Variants in KCNIP4 observed in about 807,000 individuals in gnomAD.
KCNIP4 encodes the protein potassium voltage-gated channel interacting protein 4.
Under a neutral mutation model 34.0 loss-of-function variants are expected in KCNIP4, and 12 were observed. The ratio of observed to expected loss-of-function variants is 0.35; its 90% CI spans 0.23 to 0.57. The LOEUF (loss-of-function observed/expected upper bound fraction) is 0.57. Ranked by LOEUF, KCNIP4 falls within the 20% of genes least tolerant of loss-of-function variation. KCNIP4 has a pLI of 0.83. For synonymous variants in KCNIP4, 124 were observed against 102.2 expected (o/e 1.21, Z -1.29); for missense variants, 238 against 311.7 (o/e 0.76, Z 1.78).
At chr4:20,996,203 C>T (rs1056963429) in intron 1 of KCNIP4, among the ~76,000 whole-genome samples, 1 of 152,188 alleles carries the variant, frequency 6.6e-6, no homozygotes, top group African/African-American at 2.4e-5. Context: ...CTAACATAGC[C>T]GTAGGCCCAA....
intron 3 of KCNIP4, among the ~76,000 whole-genome samples, chr4:20,786,514 T>C (rs1712014314): frequency 6.6e-6 from 1 of 152,210 alleles, no homozygotes; most frequent in Non-Finnish European, 1.5e-5. Flanking sequence ...TAGTCTTCTA[T>C]ATTTTTCCAT....
chr4:21,255,035 G>A (rs555195488), intron 1 of KCNIP4, among the ~76,000 whole-genome samples: 63 of 152,154 alleles, frequency 4.1e-4, no homozygotes, highest in Middle Eastern at 3.4e-3. Flanking sequence ...AAAGTTGACC[G>A]TCTCCACTTT....
At chr4:21,234,062 T>TATAAC (rs906307062) in intron 1 of KCNIP4, among the ~76,000 whole-genome samples, 1 of 110,698 alleles carries the variant, frequency 9.0e-6, no homozygotes, top group Admixed American at 1.0e-4. Flanking sequence ...ACATAACATA[T>TATAAC]ATAACATAAC....
intron 1 of KCNIP4, among the ~76,000 whole-genome samples, chr4:21,226,237 G>T: frequency 9.9e-6 from 1 of 100,518 alleles, no homozygotes; most frequent in Admixed American, 1.0e-4. Flanking sequence ...CATAGGGGGA[G>T]GGAGGGGGGG....
At chr4:21,106,205 G>A (rs919682676) in intron 1 of KCNIP4, among the ~76,000 whole-genome samples, 8 of 144,898 alleles carry the variant, frequency 5.5e-5, no homozygotes, top group South Asian at 2.2e-4. Context: ...GGTAGAATTC[G>A]GCTGTGAATC....
rs79583219 is a variant in KCNIP4 at position 20,731,038 on chromosome 4, A to G, written c.706-909T>C. Reference sequence around the variant, plus strand: ...TAAAAATAAAGAGAAAAACTAAAGAAACAACGGATTTCTTTGTTTTCAGGA... The same window carrying G: ...TAAAAATAAAGAGAAAAACTAAAGAGACAACGGATTTCTTTGTTTTCAGGA... On this transcript the variant is annotated intron_variant, in intron 8 of 8. Transcript: ENST00000382152. Among the ~76,000 whole-genome samples, 602 of 152,272 alleles carry G rather than the reference A, an allele frequency of 4.0e-3. 6 individuals carry two copies. Among genetic ancestry groups the G allele is most frequent in the African/African-American group, 0.014 (565 of 41,554 alleles).
At chr4:21,338,457 T>C (rs1578097519) in intron 1 of KCNIP4, among the ~76,000 whole-genome samples, 1 of 149,412 alleles carries the variant, frequency 6.7e-6, no homozygotes, top group Non-Finnish European at 1.5e-5. Flanking sequence ...GTAAATGATG[T>C]CTAGCCAGGC....
chr4:21,284,430 A>G (rs1246375577), intron 1 of KCNIP4, among the ~76,000 whole-genome samples: 4 of 152,176 alleles, frequency 2.6e-5, no homozygotes, highest in Non-Finnish European at 1.5e-5. Context: ...TCCAGAAAAA[A>G]GAAGCTGAGA....
chr4:21,079,258 A>T (rs1337730248), intron 1 of KCNIP4, among the ~76,000 whole-genome samples: 2 of 152,080 alleles, frequency 1.3e-5, no homozygotes, highest in Non-Finnish European at 2.9e-5. Flanking sequence ...TAAGTTTTTC[A>T]ATGTTTGAGC....
At chr4:21,528,689 A>G (rs1354488343) in intron 1 of KCNIP4, among the ~76,000 whole-genome samples, 1 of 1,784 alleles carries the variant, frequency 5.6e-4, no homozygotes, top group Non-Finnish European at 9.7e-4. Context: ...GAAAGAAAGA[A>G]AGAAAGAAAG....
intron 1 of KCNIP4, among the ~76,000 whole-genome samples, chr4:21,006,326 G>A (rs151103741): frequency 1.3e-3 from 198 of 152,286 alleles, no homozygotes; most frequent in African/African-American, 4.6e-3. Flanking sequence ...AGGCAGATTG[G>A]GGAGTTGCTT....
chr4:20,948,440 C>T (rs1185896507), intron 1 of KCNIP4, among the ~76,000 whole-genome samples: 1 of 152,234 alleles, frequency 6.6e-6, no homozygotes, highest in Non-Finnish European at 1.5e-5. Context: ...CTGCTCCTAT[C>T]TTTCCAGCCA....
chr4:21,631,043 T>C (rs912543899), intron 1 of KCNIP4, among the ~76,000 whole-genome samples: 2 of 152,186 alleles, frequency 1.3e-5, no homozygotes, highest in African/African-American at 4.8e-5. Flanking sequence ...TCTGTGACGC[T>C]TCCTCACTAT....
chr4:21,193,981 A>G (rs1755870908), intron 1 of KCNIP4, among the ~76,000 whole-genome samples: 1 of 152,180 alleles, frequency 6.6e-6, no homozygotes, highest in Non-Finnish European at 1.5e-5. Context: ...TTCATTGTGT[A>G]AAGGGGGAGG....
intron 1 of KCNIP4, among the ~76,000 whole-genome samples, chr4:20,962,186 T>A (rs1733914131): frequency 6.6e-6 from 1 of 152,146 alleles, no homozygotes; most frequent in Non-Finnish European, 1.5e-5. Flanking sequence ...TCTCCACTGC[T>A]TCCAAGCCTA....
chr4:21,568,668 G>A (rs1210155232), intron 1 of KCNIP4, among the ~76,000 whole-genome samples: 1 of 152,092 alleles, frequency 6.6e-6, no homozygotes, highest in Non-Finnish European at 1.5e-5. Context: ...TTGGACTCTT[G>A]GACTTACCCC....
chr4:21,798,748 A>G (rs1180051326), intron 1 of KCNIP4, among the ~76,000 whole-genome samples: 3 of 152,002 alleles, frequency 2.0e-5, no homozygotes, highest in African/African-American at 7.2e-5. Flanking sequence ...AGTTCCTCAG[A>G]AACTATCTGA....
intron 5 of KCNIP4, among the ~76,000 whole-genome samples, chr4:20,745,953 T>C (rs565388741): frequency 2.2e-4 from 34 of 152,178 alleles, no homozygotes; most frequent in Middle Eastern, 3.2e-3. Context: ...AGTTCAACCA[T>C]TGTGGAAGAC....
intron 1 of KCNIP4, among the ~76,000 whole-genome samples, chr4:21,008,664 C>T (rs1222685450): frequency 1.3e-5 from 2 of 151,842 alleles, no homozygotes; most frequent in African/African-American, 4.8e-5. Flanking sequence ...GCTGGGACTG[C>T]AGGCGCCCGC....
Sources: gnomAD v4.1 joint callset for allele counts (sites outside exome capture counted in the v4.1 genomes callset) on GRCh38, gnomAD v4.1.1 for gene constraint, MANE v1.5 for transcripts, NCBI Gene and HGNC (gene_info 2026-07-23, HGNC 2026-07-21) for gene names.